MRAP2: variants seen among roughly 807,000 people sequenced by gnomAD.
The protein encoded by MRAP2 is melanocortin-2 receptor accessory protein 2.
MRAP2 carries 20 observed loss-of-function variants against 17.4 expected under a neutral mutation model. That is an observed-to-expected ratio of 1.15 (90% CI 0.81 to 1.67). The LOEUF (loss-of-function observed/expected upper bound fraction) is 1.67, where lower values mean the gene tolerates loss of function less well. Among genes scored for constraint, MRAP2 ranks in the 40% most tolerant of loss-of-function variants. The pLI is 0.00. For synonymous variants in MRAP2, 96 were observed against 88.4 expected (o/e 1.09, Z -0.48); for missense variants, 238 against 240.0 (o/e 0.99, Z 0.05).
the MRAP2 span, chr6:84,126,594 A>C: frequency 9.4e-7 from 1 of 1,062,608 alleles, no homozygotes; most frequent in Non-Finnish European, 1.3e-6. Flanking sequence ...ATATTTGTAT[A>C]AAATTTCTCT....
At chr6:84,081,954 C>T (rs1246303169) in intron 3 of MRAP2, among the ~76,000 whole-genome samples, 1 of 152,218 alleles carries the variant, frequency 6.6e-6, no homozygotes, top group African/African-American at 2.4e-5. Context: ...ACCTCCCTAG[C>T]CATGCAGAAC....
At chr6:84,091,617 A>G (rs1459835663), downstream of MRAP2, among the ~76,000 whole-genome samples, 4 of 152,206 alleles carry the variant, frequency 2.6e-5, no homozygotes, top group Non-Finnish European at 2.9e-5. Context: ...GTTCACAGCT[A>G]CTTAAGTGGT....
the MRAP2 span, chr6:84,125,322 G>A: frequency 5.9e-6 from 9 of 1,520,694 alleles, no homozygotes; most frequent in Admixed American, 1.4e-4. Flanking sequence ...TCATAGTGGT[G>A]GGTGAGGAAC....
the MRAP2 span, among the ~76,000 whole-genome samples, chr6:84,141,618 C>T: frequency 6.6e-6 from 1 of 152,198 alleles, no homozygotes; most frequent in Non-Finnish European, 1.5e-5. Flanking sequence ...CAGCTGCCTA[C>T]TAACTTGCCT....
rs749015892 is a variant in MRAP2, at chr6:84,055,420, C to A, written c.102C>A (p.Ser34=). The A allele has an allele frequency of 1.2e-6, 2 of 1,612,376 alleles. No homozygotes were observed. ...EYEYYEIGPV[S]FEGLKAHKYS... is the part of the protein sequence containing the mutation. ...AATATTATGAGATTGGACCAGTTTCCTTTGAAGGACTGAAGGCTCATAAAT... is the reference window on the plus strand; with the variant it reads ...AATATTATGAGATTGGACCAGTTTCATTTGAAGGACTGAAGGCTCATAAAT... Residue 34 remains serine, a synonymous_variant, in exon 2 of 4, where the codon TCC becomes TCA. Transcript: ENST00000257776.
chr6:84,070,360 A>G (rs1235892991), intron 3 of MRAP2, among the ~76,000 whole-genome samples: 1 of 152,206 alleles, frequency 6.6e-6, no homozygotes, highest in African/African-American at 2.4e-5. Flanking sequence ...CCCAATGCTC[A>G]TTCAAGAGCA....
At chr6:84,037,315 C>T (rs780622602) in intron 1 of MRAP2, among the ~76,000 whole-genome samples, 15 of 151,434 alleles carry the variant, frequency 9.9e-5, no homozygotes, top group African/African-American at 2.4e-4. Context: ...CCACGAACCC[C>T]GAGCTAGACA....
the MRAP2 span, among the ~76,000 whole-genome samples, chr6:84,131,035 C>T: frequency 6.6e-6 from 1 of 152,156 alleles, no homozygotes; most frequent in Admixed American, 6.5e-5. Flanking sequence ...AAATGTGTCC[C>T]AGAGATTCTG....
At chr6:84,082,982 G>A (rs1400517429) in intron 3 of MRAP2, among the ~76,000 whole-genome samples, 4 of 151,348 alleles carry the variant, frequency 2.6e-5, no homozygotes, top group African/African-American at 9.7e-5. Context: ...TCCCTTACGT[G>A]CCCACCTTAT....
chr6:84,113,134 G>A, the MRAP2 span, among the ~76,000 whole-genome samples: 28 of 152,144 alleles, frequency 1.8e-4, no homozygotes, highest in Non-Finnish European at 8.8e-5. Flanking sequence ...AGCTGAGTTC[G>A]AGTCCTGAAT....
chr6:84,110,360 A>T, the MRAP2 span, among the ~76,000 whole-genome samples: 6 of 152,018 alleles, frequency 3.9e-5, no homozygotes, highest in African/African-American at 1.5e-4. Flanking sequence ...ACTTTCTTTC[A>T]TATATTTGTT....
chr6:84,062,513 CAGT>C, intron 2 of MRAP2: 6 of 982,074 alleles, frequency 6.1e-6, no homozygotes, highest in Non-Finnish European at 7.3e-6. Flanking sequence ...TTTCTTTTAA[CAGT>C]AGGAATCCAA....
chr6:84,123,387 C>A, the MRAP2 span, among the ~76,000 whole-genome samples: 1 of 151,844 alleles, frequency 6.6e-6, no homozygotes, highest in Non-Finnish European at 1.5e-5. Flanking sequence ...ACACACAGGT[C>A]AATGGAACGG....
intron 3 of MRAP2, among the ~76,000 whole-genome samples, chr6:84,069,628 C>T (rs897476277): frequency 5.9e-5 from 9 of 152,032 alleles, no homozygotes; most frequent in Admixed American, 1.3e-4. Context: ...AAGGAGGGTT[C>T]CTTCTTTCTC....
intron 1 of MRAP2, among the ~76,000 whole-genome samples, chr6:84,043,484 C>T (rs763561911): frequency 1.3e-5 from 2 of 152,162 alleles, no homozygotes; most frequent in Non-Finnish European, 1.5e-5. Flanking sequence ...GAGAGGAAGT[C>T]CAGCTTGCAG....
At chr6:84,111,118 T>A in the MRAP2 span, among the ~76,000 whole-genome samples, 1 of 151,460 alleles carries the variant, frequency 6.6e-6, no homozygotes, top group Non-Finnish European at 1.5e-5. Context: ...ATTTAAAGTA[T>A]TTTTTTTTCC....
intron 3 of MRAP2, among the ~76,000 whole-genome samples, chr6:84,079,868 G>T (rs2099498520): frequency 6.6e-6 from 1 of 152,210 alleles, no homozygotes; most frequent in Admixed American, 6.5e-5. Context: ...TTGCTGGGTA[G>T]ATGTCCTTGT....
chr6:84,137,100 A>T, the MRAP2 span, among the ~76,000 whole-genome samples: 1 of 152,184 alleles, frequency 6.6e-6, no homozygotes, highest in African/African-American at 2.4e-5. Flanking sequence ...TAAGAGTCAT[A>T]CCTGGCAGGT....
the MRAP2 span, among the ~76,000 whole-genome samples, chr6:84,098,816 G>A: frequency 6.6e-6 from 1 of 151,982 alleles, no homozygotes; most frequent in Non-Finnish European, 1.5e-5. Context: ...TTTTATTGTT[G>A]TTTTGAGAGT....
Sources: allele counts gnomAD v4.1 joint callset (sites outside exome capture counted in the v4.1 genomes callset), GRCh38; gene constraint gnomAD v4.1.1; transcripts MANE v1.5; gene names NCBI Gene and HGNC (gene_info 2026-07-23, HGNC 2026-07-21).